EXOC2: variants seen among roughly 807,000 people sequenced by gnomAD.
The protein encoded by EXOC2 is exocyst complex component 2, also known as SEC5-like 1.
Under a neutral mutation model 131.8 loss-of-function variants are expected in EXOC2, and 70 were observed. That is an observed-to-expected ratio of 0.53 (90% CI 0.44 to 0.65). The LOEUF (loss-of-function observed/expected upper bound fraction) is 0.65. Ranked by LOEUF, EXOC2 falls within the 30% of genes least tolerant of loss-of-function variation. EXOC2 has a pLI of 0.00. For missense variants in EXOC2, 923 were observed against 1,108.6 expected (o/e 0.83, Z 2.38); for synonymous variants, 411 against 398.4 (o/e 1.03, Z -0.38).
At chr6:528,159 A>T (rs954206470) in intron 23 of EXOC2, among the ~76,000 whole-genome samples, 1 of 152,220 alleles carries the variant, frequency 6.6e-6, no homozygotes, top group Non-Finnish European at 1.5e-5. Context: ...TTAAAAAAAC[A>T]TCGCTACGGC....
At chr6:491,887 AG>A (rs1763454969) in intron 25 of EXOC2, among the ~76,000 whole-genome samples, 1 of 152,246 alleles carries the variant, frequency 6.6e-6, no homozygotes, top group Admixed American at 6.5e-5. Flanking sequence ...CTATTCAACA[AG>A]GGTGCCAAGA....
At chr6:690,923 T>TC (rs1764895808) in intron 1 of EXOC2, among the ~76,000 whole-genome samples, 1 of 152,202 alleles carries the variant, frequency 6.6e-6, no homozygotes, top group South Asian at 2.1e-4. Context: ...AGCAGAGTGA[T>TC]CAATGAATGT....
intron 10 of EXOC2, 33 bp downstream of exon 10, chr6:597,988 T>G (rs1318249145): frequency 2.0e-6 from 3 of 1,508,872 alleles, no homozygotes; most frequent in Non-Finnish European, 2.8e-6. Context: ...AACAGATACA[T>G]GTGATTCAAC....
intron 4 of EXOC2, among the ~76,000 whole-genome samples, chr6:620,315 A>G (rs1355622164): frequency 2.6e-5 from 4 of 152,152 alleles, no homozygotes; most frequent in African/African-American, 7.2e-5. Flanking sequence ...AAGCATGTCT[A>G]TGAACTGAAT....
At chr6:504,212 C>T (rs560680093) in intron 23 of EXOC2, among the ~76,000 whole-genome samples, 9 of 152,326 alleles carry the variant, frequency 5.9e-5, no homozygotes, top group East Asian at 3.9e-4. Flanking sequence ...GGGGCTGGGA[C>T]GGTGACGTAC....
intron 22 of EXOC2, among the ~76,000 whole-genome samples, chr6:537,412 C>T (rs559023212): frequency 8.0e-5 from 12 of 149,378 alleles, no homozygotes; most frequent in African/African-American, 2.0e-4. Flanking sequence ...TCATGACCGA[C>T]GGAGCGTACA....
intron 1 of EXOC2, among the ~76,000 whole-genome samples, chr6:685,869 C>CTTTTTTTTTTTTTTTTTTTTTTTTT (rs58892194): frequency 1.7e-4 from 17 of 98,260 alleles, no homozygotes; most frequent in Non-Finnish European, 2.7e-4. Context: ...TCCTGGACCT[C>CTTTTTTTTTTTTTTTTTTTTTTTTT]TTTTTTTTTT....
intron 23 of EXOC2, among the ~76,000 whole-genome samples, chr6:521,070 C>A (rs2493027): frequency 0.14 from 492 of 3,462 alleles, 5 homozygotes; most frequent in East Asian, 0.17. Context: ...AGAGGAAAAC[C>A]ACCACCCACC....
At chr6:582,755 G>A (rs1758984253) in intron 11 of EXOC2, among the ~76,000 whole-genome samples, 1 of 151,382 alleles carries the variant, frequency 6.6e-6, no homozygotes, top group African/African-American at 2.4e-5. Flanking sequence ...ACATATATAT[G>A]TATATATATA....
At chr6:598,321 T>C (rs186740142) in intron 9 of EXOC2, among the ~76,000 whole-genome samples, 198 bp from the exon 10 acceptor site, 159 of 152,322 alleles carry the variant, frequency 1.0e-3, no homozygotes, top group Non-Finnish European at 1.8e-3. Flanking sequence ...CTCTAACATG[T>C]GAGGTCTGTA....
chr6:525,259 CTT>C (rs1213952806), intron 23 of EXOC2: 1 of 152,180 alleles, frequency 6.6e-6, no homozygotes, highest in African/African-American at 2.4e-5. Flanking sequence ...ATTGTAAAAA[CTT>C]TCTAAGTGTA....
rs748230713 is a variant in EXOC2 at position 497,358 on chromosome 6, T to C, written c.2559+9A>G. On this transcript the variant is annotated intron_variant, in intron 25 of 27. Coordinates refer to ENST00000230449, the MANE Select transcript of EXOC2 (RefSeq NM_018303.6). ...AGAAGTTCAATATGAAATTGAATGA[T>C]TTTGTTACCTGTAAAGCTCCATTTT... 1.9e-6 allele frequency: 3 copies of C among 1,611,758 alleles called. No individual in the cohort carries two copies. Among genetic ancestry groups the C allele is most frequent in the East Asian group, 2.2e-5 (1 of 44,812 alleles).
chr6:581,059 C>T (rs1210888760), intron 11 of EXOC2, among the ~76,000 whole-genome samples: 2 of 151,590 alleles, frequency 1.3e-5, no homozygotes, highest in Non-Finnish European at 2.9e-5. Context: ...TTTGGGAGGC[C>T]GAGGTGGGTG....
chr6:635,923 T>C lies in EXOC2; in HGVS notation c.118+1778A>G, dbSNP rs182969173. ...TAAAAATACAAAAATTAGCTGGGTA[T>C]GGCGGCACATGCGCCTGTAGTCCCA... On this transcript the variant is annotated intron_variant, in intron 2 of 27. Transcript: ENST00000230449. Among the ~76,000 whole-genome samples, 8 of 152,324 alleles carry C rather than the reference T, an allele frequency of 5.3e-5. No individual in the cohort carries two copies. In the East Asian group the frequency reaches 1.2e-3, roughly 22 times the overall value.
intron 8 of EXOC2, 38 bp downstream of exon 8, chr6:599,042 T>A (rs2294664): frequency 0.55 from 862,601 of 1,576,516 alleles, 240,074 homozygotes; most frequent in Admixed American, 0.6. Flanking sequence ...ATGTATGACA[T>A]CTACAACCAT....
intron 1 of EXOC2, among the ~76,000 whole-genome samples, chr6:649,760 T>A (rs1394945512): frequency 6.6e-6 from 1 of 152,250 alleles, no homozygotes; most frequent in African/African-American, 2.4e-5. Flanking sequence ...GTCATATGAA[T>A]AAGCCAGTTT....
intron 7 of EXOC2, among the ~76,000 whole-genome samples, chr6:603,013 GTTTA>G (rs1217390683): frequency 6.6e-6 from 1 of 152,172 alleles, no homozygotes; most frequent in African/African-American, 2.4e-5. Flanking sequence ...TTTCAACCAT[GTTTA>G]TTTAAAGTAA....
intron 23 of EXOC2, among the ~76,000 whole-genome samples, chr6:522,234 A>AAG (rs1765506851): frequency 6.6e-6 from 1 of 150,800 alleles, no homozygotes. Flanking sequence ...AAATGATGGT[A>AAG]CAGCAAGGTG....
At chr6:565,525 C>A (rs1757925460) in intron 13 of EXOC2, among the ~76,000 whole-genome samples, 1 of 152,076 alleles carries the variant, frequency 6.6e-6, no homozygotes, top group South Asian at 2.1e-4. Flanking sequence ...GAAGCCTGTT[C>A]AGTTGGATTT....
Sources: allele counts gnomAD v4.1 joint callset (sites outside exome capture counted in the v4.1 genomes callset), GRCh38; gene constraint gnomAD v4.1.1; transcripts MANE v1.5; gene names NCBI Gene and HGNC (gene_info 2026-07-23, HGNC 2026-07-21).